Variants in CALN1 observed in about 807,000 individuals in gnomAD.
CALN1 encodes calneuron 1.
Under a neutral mutation model 30.6 loss-of-function variants are expected in CALN1, and 17 were observed. The ratio of observed to expected loss-of-function variants is 0.56; its 90% confidence interval spans 0.38 to 0.83. The LOEUF (loss-of-function observed/expected upper bound fraction) is 0.83. Among genes scored for constraint, CALN1 ranks in the 40% least tolerant of loss-of-function variants. The probability of loss-of-function intolerance (pLI) is 0.00; values close to 1 mark genes in which losing one functional copy is unlikely to be tolerated. For synonymous variants in CALN1, 156 were observed against 131.4 expected (o/e 1.19, Z -1.28); for missense variants, 291 against 354.9 (o/e 0.82, Z 1.45).
chr7:71,856,633 C>T (rs1366403032), intron 5 of CALN1, among the ~76,000 whole-genome samples: 2 of 151,896 alleles, frequency 1.3e-5, no homozygotes, highest in East Asian at 3.9e-4. Context: ...ATTTGTTTTC[C>T]CAAGACTATA....
At chr7:72,269,725 A>G (rs1012710884) in intron 3 of CALN1, among the ~76,000 whole-genome samples, 1 of 152,232 alleles carries the variant, frequency 6.6e-6, no homozygotes, top group African/African-American at 2.4e-5. Context: ...CACTCTTCAG[A>G]GAAAGATAAC....
chr7:72,116,541 G>A (rs1421939893), intron 3 of CALN1, among the ~76,000 whole-genome samples: 1 of 152,188 alleles, frequency 6.6e-6, no homozygotes, highest in African/African-American at 2.4e-5. Context: ...GGGTACGGAA[G>A]CAGGAGGGGA....
chr7:71,851,534 G>GTA (rs916149783), intron 5 of CALN1, among the ~76,000 whole-genome samples: 6 of 150,658 alleles, frequency 4.0e-5, no homozygotes, highest in Non-Finnish European at 7.4e-5. Flanking sequence ...GAAAAAAACA[G>GTA]TATATATATA....
intron 3 of CALN1, among the ~76,000 whole-genome samples, chr7:72,184,494 T>C (rs755356335): frequency 1.3e-5 from 2 of 152,234 alleles, no homozygotes; most frequent in Non-Finnish European, 2.9e-5. Flanking sequence ...TTAACATAGT[T>C]AAGGTGCTTG....
intron 3 of CALN1, among the ~76,000 whole-genome samples, chr7:72,258,226 A>C (rs12699130): frequency 1.3e-5 from 2 of 152,078 alleles, no homozygotes; most frequent in South Asian, 4.1e-4. Context: ...CTTCACCGGC[A>C]AGAAGTCAAG....
rs541224139 is a variant in CALN1 at position 72,423,430 on chromosome 7, C to T, written c.-225-11155G>A. The stretch of plus-strand genomic sequence containing the variant: ...GGCAGGGCAGGAGGTTTTCCTCCTT[C>T]ACAGCTGTCCTTAAAGCTGTCTCTC... On this transcript the variant is annotated intron_variant, in intron 1 of 6. Coordinates refer to the CALN1 transcript ENST00000395276. 3.3e-5 allele frequency among the ~76,000 whole-genome samples: 5 copies of T among 152,304 alleles called. No homozygotes were observed. In the East Asian group the frequency reaches 9.7e-4, roughly 29 times the overall value.
At chr7:72,391,302 A>G (rs573120206) in intron 2 of CALN1, among the ~76,000 whole-genome samples, 11 of 152,320 alleles carry the variant, frequency 7.2e-5, no homozygotes, top group Admixed American at 7.2e-4. Flanking sequence ...GTTAAGAGAT[A>G]AACACTCTTC....
Position 71,800,582 on chromosome 7 carries a change from G to A in CALN1, c.658+9754C>T, listed in dbSNP as rs571829762. On this transcript the variant is annotated intron_variant, in intron 6 of 6. Transcript: ENST00000395275. ...CTTGGGGGATGTGTCTTAAGAGGGC[G>A]CACACACAGATCTTGCTGTGCTTCT... Among the ~76,000 whole-genome samples the A allele has an allele frequency of 4.6e-5, 7 of 152,224 alleles. No homozygotes were observed. In the East Asian group the frequency reaches 9.7e-4, roughly 21 times the overall value.
At chr7:72,388,387 A>G (rs1805373044) in intron 2 of CALN1, among the ~76,000 whole-genome samples, 1 of 152,080 alleles carries the variant, frequency 6.6e-6, no homozygotes, top group Non-Finnish European at 1.5e-5. Context: ...ACAAACAAAA[A>G]AGGTACCGTT....
chr7:71,987,125 CAA>C (rs539710759), intron 5 of CALN1, among the ~76,000 whole-genome samples: 3 of 127,800 alleles, frequency 2.3e-5, no homozygotes, highest in East Asian at 2.3e-4. Flanking sequence ...AGCTTCGTGT[CAA>C]AAAAAAAAAA....
chr7:72,006,370 A>C (rs1321469127), intron 5 of CALN1, among the ~76,000 whole-genome samples: 1 of 152,232 alleles, frequency 6.6e-6, no homozygotes, highest in East Asian at 1.9e-4. Context: ...TATACAAAAC[A>C]ATCAATAGAG....
chr7:72,207,523 C>G (rs117242197), intron 3 of CALN1, among the ~76,000 whole-genome samples: 2 of 152,074 alleles, frequency 1.3e-5, no homozygotes, highest in East Asian at 3.9e-4. Context: ...GCTCTGTCAC[C>G]GAGGCTGGAG....
chr7:72,333,702 A>T (rs554405236), intron 2 of CALN1, among the ~76,000 whole-genome samples: 1 of 152,200 alleles, frequency 6.6e-6, no homozygotes, highest in Non-Finnish European at 1.5e-5. Flanking sequence ...AAAAAAAAAA[A>T]AAAAAAGCTT....
At chr7:72,103,740 C>T (rs965268304) in intron 4 of CALN1, among the ~76,000 whole-genome samples, 1 of 151,596 alleles carries the variant, frequency 6.6e-6, no homozygotes, top group African/African-American at 2.4e-5. Context: ...TTCTCTGAAG[C>T]TTTGGAGAAG....
chr7:71,928,604 A>G (rs1169885513), intron 5 of CALN1, among the ~76,000 whole-genome samples: 1 of 152,164 alleles, frequency 6.6e-6, no homozygotes, highest in Non-Finnish European at 1.5e-5. Flanking sequence ...TTTTGCACCA[A>G]TGTAATAGTT....
At chr7:72,200,181 G>A (rs370454306) in intron 3 of CALN1, among the ~76,000 whole-genome samples, 5 of 152,186 alleles carry the variant, frequency 3.3e-5, no homozygotes, top group East Asian at 3.9e-4. Flanking sequence ...GTGGAGGGGA[G>A]TGGCAATGAC....
intron 2 of CALN1, among the ~76,000 whole-genome samples, chr7:72,323,363 C>T (rs989380494): frequency 1.3e-5 from 2 of 152,206 alleles, no homozygotes; most frequent in East Asian, 3.8e-4. Flanking sequence ...TAACTAGCAT[C>T]TTGGTAGTCC....
At chr7:72,391,284 G>C (rs1426971100) in intron 2 of CALN1, among the ~76,000 whole-genome samples, 1 of 152,122 alleles carries the variant, frequency 6.6e-6, no homozygotes, top group Non-Finnish European at 1.5e-5. Flanking sequence ...AGTTAGTTTA[G>C]GAAAAATGTT....
At chr7:72,048,567 CTGTTA>C (rs1439265469) in intron 4 of CALN1, among the ~76,000 whole-genome samples, 1 of 152,112 alleles carries the variant, frequency 6.6e-6, no homozygotes, top group Non-Finnish European at 1.5e-5. Context: ...ATATACTCCT[CTGTTA>C]TGTTACTTAA....
Sources: allele counts gnomAD v4.1 joint callset (sites outside exome capture counted in the v4.1 genomes callset), GRCh38; gene constraint gnomAD v4.1.1; transcripts MANE v1.5; gene names NCBI Gene and HGNC (gene_info 2026-07-23, HGNC 2026-07-21).